Variants in MOB3A observed in about 807,000 individuals in gnomAD.
MOB3A encodes MOB kinase activator 3A, also known as MOB LAK.
MOB3A carries 17 observed loss-of-function variants against 17.8 expected under a neutral mutation model. The ratio of observed to expected loss-of-function variants is 0.95; its 90% CI spans 0.65 to 1.43. The LOEUF (loss-of-function observed/expected upper bound fraction) is 1.43, where lower values mean the gene tolerates loss of function less well. Ranked by LOEUF, MOB3A falls within the 40% of genes most tolerant of loss-of-function variation. The pLI, the probability that MOB3A is intolerant of heterozygous loss-of-function variation, is 0.00. For missense variants in MOB3A, 333 were observed against 310.8 expected (o/e 1.07, Z -0.54); for synonymous variants, 124 against 133.2 (o/e 0.93, Z 0.48).
rs1295496880 is a variant in MOB3A, at chr19:2,093,502, C to T, written c.-274+2724G>A. Among the ~76,000 whole-genome samples the T allele has an allele frequency of 1.3e-5, 2 of 152,242 alleles. No homozygotes were observed. Among genetic ancestry groups the T allele is most frequent in the Non-Finnish European group, 2.9e-5 (2 of 68,014 alleles). On this transcript the variant is annotated intron_variant, in intron 1 of 4. Coordinates refer to ENST00000357066, the MANE Select transcript of MOB3A (RefSeq NM_130807.3). This position sits in a 1 kb window ranked among gnomAD's most constrained non-coding sequence, Gnocchi z 4.6. ...GGAACACACAGTGGGTGGCTGTGGT[C>T]CAGCGTGTGCCTGGCTGTGTATTTA...
chr19:2,094,041 CTTTTTTTTTTTT>C lies in MOB3A; in HGVS notation c.-274+2173_-274+2184del, dbSNP rs1012593196. On this transcript the variant is annotated intron_variant, in intron 1 of 4. Transcript: ENST00000357066. ...CCCTCCTTCCTTCCCTATGTAAGTT[CTTTTTTTTTTTT>C]TTTTTTTTTTTGAGACAGAGTCTCA... Among the ~76,000 whole-genome samples the C allele has an allele frequency of 4.4e-5, 5 of 113,224 alleles. No individual in the cohort carries two copies. The East Asian group carries it at 7.4e-4, about 17-fold the overall frequency. 74.3% of individuals were successfully genotyped at this position (113,224 alleles called of 152,430 possible).
chr19:2,093,913 G>A lies in MOB3A; in HGVS notation c.-274+2313C>T, dbSNP rs911644077. ...CTCTGTAATCGGTAGATCTCAGTGA[G>A]TTCTAATAAACAGGTCCCTGACAAC... On this transcript the variant is annotated intron_variant, in intron 1 of 4. Coordinates refer to ENST00000357066, the MANE Select transcript of MOB3A (RefSeq NM_130807.3). This position sits in a 1 kb window ranked among gnomAD's most constrained non-coding sequence, Gnocchi z 4.6. 4.6e-5 allele frequency among the ~76,000 whole-genome samples: 7 copies of A among 152,014 alleles called. No homozygotes were observed. Among genetic ancestry groups the A allele is most frequent in the African/African-American group, 1.7e-4 (7 of 41,362 alleles).
At chr19:2,075,573 C>T (rs1221399571) in intron 4 of MOB3A, among the ~76,000 whole-genome samples, 1 of 152,154 alleles carries the variant, frequency 6.6e-6, no homozygotes, top group Non-Finnish European at 1.5e-5. Context: ...ATACAGCGCC[C>T]AGCAGCCTGG....
intron 1 of MOB3A, among the ~76,000 whole-genome samples, chr19:2,094,960 C>G (rs1287994910): frequency 1.3e-5 from 2 of 152,214 alleles, no homozygotes; most frequent in Non-Finnish European, 1.5e-5. Context: ...CACCTGAGGT[C>G]AGGAGCTCAA....
intron 2 of MOB3A, among the ~76,000 whole-genome samples, chr19:2,080,525 G>A (rs1348750616): frequency 6.6e-6 from 1 of 151,980 alleles, no homozygotes; most frequent in Non-Finnish European, 1.5e-5. Flanking sequence ...CTACAGGCAC[G>A]TGCAACCACA....
chr19:2,088,052 T>C (rs2017573149), intron 1 of MOB3A, among the ~76,000 whole-genome samples: 1 of 152,142 alleles, frequency 6.6e-6, no homozygotes, highest in African/African-American at 2.4e-5. Context: ...TCAGCTGCAG[T>C]GGGGGTCTCA....
intron 3 of MOB3A, among the ~76,000 whole-genome samples, chr19:2,077,632 G>A (rs1023345364): frequency 6.6e-6 from 1 of 152,068 alleles, no homozygotes; most frequent in Non-Finnish European, 1.5e-5. Context: ...AGCACTGGCA[G>A]GGGTGCTTGT....
At chr19:2,083,282 G>A (rs945835162) in intron 2 of MOB3A, among the ~76,000 whole-genome samples, 4 of 152,218 alleles carry the variant, frequency 2.6e-5, no homozygotes, top group East Asian at 1.9e-4. Context: ...ACGCATCCAC[G>A]CTGTGGCTGA....
chr19:2,095,853 T>C (rs1045348018), intron 1 of MOB3A, among the ~76,000 whole-genome samples: 2 of 151,976 alleles, frequency 1.3e-5, no homozygotes, highest in Non-Finnish European at 1.5e-5. Context: ...CAAGTGATTC[T>C]CCTGCCTCAG....
chr19:2,078,309 C>T lies in MOB3A; in HGVS notation c.252G>A (p.Thr84=), dbSNP rs373418921. 66 of 1,614,154 alleles carry T rather than the reference C, an allele frequency of 4.1e-5. No homozygotes were observed. The highest frequency in any genetic ancestry group is 2.0e-4 in the East Asian group (9 of 44,878). ...CCGACATGACGGGGCAGGACTGCTC[C>T]GTGCAGCCGTCGCTGATGGTGCCGT... ...LIYGTISDGC[T]EQSCPVMSGG... The change falls in exon 3 of 5, where the codon ACG becomes ACA. Residue 84 remains threonine, a synonymous_variant. Transcript: ENST00000357066.
At chr19:2,087,989 GC>G (rs2017572509) in intron 1 of MOB3A, among the ~76,000 whole-genome samples, 1 of 152,194 alleles carries the variant, frequency 6.6e-6, no homozygotes, top group South Asian at 2.1e-4. Flanking sequence ...GGAGCCAGGG[GC>G]CCACCCCAGT....
chr19:2,077,010 G>A lies in MOB3A; in HGVS notation c.425C>T (p.Thr142Ile). ...NEDLFPTNVG[T>I]PFPKNFLQTV... is the part of the protein sequence containing the mutation. Reference sequence around the variant, plus strand: ...CTGCAGGAAGTTCTTGGGAAACGGAGTGCCTGCAGGGAGAGGGGTGGGACG... The same window carrying A: ...CTGCAGGAAGTTCTTGGGAAACGGAATGCCTGCAGGGAGAGGGGTGGGACG... The change falls in exon 4 of 5, where the codon ACT (threonine) becomes ATT (isoleucine). Residue 142 changes from threonine (T) to isoleucine (I), a missense_variant. Thr to Ile is a moderately conservative substitution (Grantham distance 89). Coordinates refer to ENST00000357066, the MANE Select transcript of MOB3A (RefSeq NM_130807.3). 6.2e-7 allele frequency: 1 copy of A among 1,612,674 alleles called. No homozygotes were observed. Among genetic ancestry groups the A allele is most frequent in the South Asian group, 1.1e-5 (1 of 90,970 alleles).
At chr19:2,074,476 A>C (rs1243219654) in intron 4 of MOB3A, among the ~76,000 whole-genome samples, 1 of 152,188 alleles carries the variant, frequency 6.6e-6, no homozygotes, top group African/African-American at 2.4e-5. Flanking sequence ...ATTAATTTTA[A>C]ATTTAGCAAA....
intron 1 of MOB3A, among the ~76,000 whole-genome samples, chr19:2,086,383 T>C (rs971721145): frequency 6.8e-6 from 1 of 147,292 alleles, no homozygotes; most frequent in Non-Finnish European, 1.5e-5. Flanking sequence ...TTTTTTGAGG[T>C]GAAGTGTTGC....
intron 1 of MOB3A, among the ~76,000 whole-genome samples, chr19:2,095,474 G>A (rs1387996232): frequency 2.6e-5 from 4 of 152,242 alleles, no homozygotes; most frequent in African/African-American, 9.6e-5. Flanking sequence ...ATTCGAAAGG[G>A]CCCGACCGCC....
intron 1 of MOB3A, among the ~76,000 whole-genome samples, chr19:2,088,715 G>A (rs965891267): frequency 2.0e-5 from 3 of 151,934 alleles, no homozygotes; most frequent in African/African-American, 4.8e-5. Context: ...TGATCCGCCC[G>A]CCTCGACCTC....
At chr19:2,077,093 G>C in intron 3 of MOB3A, 80 bp from the exon 4 acceptor site, 2 of 1,305,024 alleles carry the variant, frequency 1.5e-6, no homozygotes. Context: ...ATGTGACAAG[G>C]GGCTTCCAGA....
intron 4 of MOB3A, among the ~76,000 whole-genome samples, chr19:2,076,261 T>C (rs911397897): frequency 1.4e-5 from 2 of 145,648 alleles, no homozygotes; most frequent in Non-Finnish European, 3.0e-5. Flanking sequence ...TGAAACCCCC[T>C]CTCTCCTAAA....
intron 4 of MOB3A, among the ~76,000 whole-genome samples, chr19:2,075,576 C>A (rs922105144): frequency 6.6e-6 from 1 of 152,198 alleles, no homozygotes; most frequent in African/African-American, 2.4e-5. Flanking sequence ...CAGCGCCCAG[C>A]AGCCTGGGGA....
Sources: allele counts gnomAD v4.1 joint callset (sites outside exome capture counted in the v4.1 genomes callset), GRCh38; gene constraint gnomAD v4.1.1; non-coding constraint Gnocchi (gnomAD v3.1); transcripts MANE v1.5; gene names NCBI Gene and HGNC (gene_info 2026-07-23, HGNC 2026-07-21).